ZNF385D: variants seen among roughly 807,000 people sequenced by gnomAD.
The protein encoded by ZNF385D is zinc finger protein 659.
A neutral mutation model predicts 35.8 loss-of-function variants in ZNF385D; 15 were observed. That is an observed-to-expected ratio of 0.42 (90% CI 0.28 to 0.64). The LOEUF (loss-of-function observed/expected upper bound fraction) is 0.64, where lower values mean the gene tolerates loss of function less well. Ranked by LOEUF, ZNF385D falls within the 30% of genes least tolerant of loss-of-function variation. The pLI, the probability that ZNF385D is intolerant of heterozygous loss-of-function variation, is 0.23. For missense variants in ZNF385D, 474 were observed against 494.6 expected (o/e 0.96, Z 0.39); for synonymous variants, 212 against 186.8 (o/e 1.13, Z -1.10).
intron 3 of ZNF385D, among the ~76,000 whole-genome samples, chr3:21,825,297 G>A (rs1030848629): frequency 2.0e-5 from 3 of 152,114 alleles, no homozygotes; most frequent in Admixed American, 1.3e-4. Context: ...TGTATCACTT[G>A]TTTTCTTACC....
intron 3 of ZNF385D, among the ~76,000 whole-genome samples, chr3:21,993,202 C>T (rs986177092): frequency 1.3e-5 from 2 of 152,122 alleles, no homozygotes; most frequent in South Asian, 4.1e-4. Flanking sequence ...TCATATCTGT[C>T]TCTGTCGGCC....
intron 2 of ZNF385D, among the ~76,000 whole-genome samples, chr3:22,256,121 C>T (rs1000353351): frequency 1.3e-5 from 2 of 151,548 alleles, no homozygotes; most frequent in African/African-American, 4.8e-5. Context: ...ACTCCAAGTT[C>T]TTCAGTTTTG....
intron 2 of ZNF385D, among the ~76,000 whole-genome samples, chr3:22,222,299 CAT>C (rs1479372663): frequency 4.0e-5 from 6 of 151,788 alleles, no homozygotes; most frequent in Non-Finnish European, 8.8e-5. Context: ...ATAAAAAACA[CAT>C]AGTCTTCACC....
chr3:21,607,779 T>C (rs965923863), intron 2 of ZNF385D, among the ~76,000 whole-genome samples: 1 of 152,024 alleles, frequency 6.6e-6, no homozygotes, highest in African/African-American at 2.4e-5. Context: ...CAACTGCACA[T>C]CTCCAGAGAG....
intron 2 of ZNF385D, among the ~76,000 whole-genome samples, chr3:21,599,391 A>G (rs2125756532): frequency 6.6e-6 from 1 of 152,346 alleles, no homozygotes; most frequent in African/African-American, 2.4e-5. Context: ...AATAATTTCT[A>G]TTTTATACTT....
chr3:22,085,517 C>G (rs1317458758), intron 3 of ZNF385D, among the ~76,000 whole-genome samples: 1 of 152,132 alleles, frequency 6.6e-6, no homozygotes, highest in Non-Finnish European at 1.5e-5. Flanking sequence ...CCTCCCAAGA[C>G]TAAACCAGGA....
intron 2 of ZNF385D, among the ~76,000 whole-genome samples, chr3:22,317,280 CAAAAAAAAAAAAAAA>C (rs59675675): frequency 1.1e-4 from 3 of 26,100 alleles, no homozygotes; most frequent in African/African-American, 3.4e-4. Context: ...ACTCCATCTC[CAAAAAAAAAAAAAAA>C]AAAAAAAAAA....
chr3:22,172,277 T>C (rs775069806), intron 2 of ZNF385D, among the ~76,000 whole-genome samples: 2 of 152,228 alleles, frequency 1.3e-5, no homozygotes, highest in Non-Finnish European at 2.9e-5. Flanking sequence ...GAGGTGTTTG[T>C]TTGTGTGAGT....
intron 3 of ZNF385D, among the ~76,000 whole-genome samples, chr3:22,091,434 T>C (rs2125602694): frequency 6.6e-6 from 1 of 152,222 alleles, no homozygotes; most frequent in East Asian, 1.9e-4. Flanking sequence ...CACATAATCA[T>C]CAAGAACAAA....
At chr3:22,141,694 C>A (rs1323395398) in intron 3 of ZNF385D, among the ~76,000 whole-genome samples, 1 of 152,090 alleles carries the variant, frequency 6.6e-6, no homozygotes, top group Non-Finnish European at 1.5e-5. Context: ...GGTAGCACAT[C>A]AAGAATCAGA....
intron 3 of ZNF385D, among the ~76,000 whole-genome samples, chr3:22,153,768 A>G (rs1705414535): frequency 6.6e-6 from 1 of 152,042 alleles, no homozygotes; most frequent in Admixed American, 6.6e-5. Context: ...ATTTTTAGCA[A>G]CGGACTCTGC....
chr3:21,514,523 G>C (rs1242549301), intron 3 of ZNF385D, among the ~76,000 whole-genome samples: 3 of 152,122 alleles, frequency 2.0e-5, no homozygotes, highest in Non-Finnish European at 4.4e-5. Flanking sequence ...TGTGTAAACA[G>C]ACTGTTACTT....
chr3:22,228,616 G>A (rs1698702405), intron 2 of ZNF385D, among the ~76,000 whole-genome samples: 1 of 152,182 alleles, frequency 6.6e-6, no homozygotes, highest in African/African-American at 2.4e-5. Context: ...GGTTAATACT[G>A]AGTGTCAACT....
chr3:21,571,069 A>G (rs996151485), intron 2 of ZNF385D, among the ~76,000 whole-genome samples: 4 of 152,118 alleles, frequency 2.6e-5, no homozygotes, highest in African/African-American at 9.7e-5. Context: ...TCATTTGCAG[A>G]TTTTTTTAAA....
intron 2 of ZNF385D, among the ~76,000 whole-genome samples, chr3:22,366,921 G>A (rs554589377): frequency 4.2e-4 from 64 of 152,286 alleles, no homozygotes; most frequent in Non-Finnish European, 5.6e-4. Context: ...GCCAAGGAAT[G>A]GCAACAGAAG....
intron 3 of ZNF385D, among the ~76,000 whole-genome samples, chr3:21,974,181 G>C (rs1475100603): frequency 1.3e-5 from 2 of 151,954 alleles, no homozygotes; most frequent in Non-Finnish European, 2.9e-5. Flanking sequence ...TTATGCGACA[G>C]AGATAATGTA....
chr3:21,862,111 G>A (rs1274514853), intron 3 of ZNF385D, among the ~76,000 whole-genome samples: 1 of 151,998 alleles, frequency 6.6e-6, no homozygotes, highest in Non-Finnish European at 1.5e-5. Flanking sequence ...GTAGGTAGTA[G>A]GACAAACAGC....
chr3:22,362,285 AT>A (rs377512433), intron 2 of ZNF385D, among the ~76,000 whole-genome samples: 5,163 of 151,354 alleles, frequency 0.034, 163 homozygotes, highest in African/African-American at 0.088. Context: ...ACTTGCATTG[AT>A]TTTTTTTTAT....
At chr3:21,580,201 TC>T (rs2063613061) in intron 2 of ZNF385D, among the ~76,000 whole-genome samples, 2 of 152,218 alleles carry the variant, frequency 1.3e-5, no homozygotes, top group Admixed American at 1.3e-4. Flanking sequence ...TGAGACTGTT[TC>T]TTGCCTGCCC....
Sources: allele counts gnomAD v4.1 joint callset (sites outside exome capture counted in the v4.1 genomes callset), GRCh38; gene constraint gnomAD v4.1.1; transcripts MANE v1.5; gene names NCBI Gene and HGNC (gene_info 2026-07-23, HGNC 2026-07-21).